The following MME variants were observed in gnomAD, a reference collection of about 807,000 sequenced individuals.
The protein encoded by MME is neprilysin.
MME carries 98 observed loss-of-function variants against 113.2 expected under a neutral mutation model. That is an observed-to-expected ratio of 0.87 (90% CI 0.74 to 1.02). The LOEUF is 1.02. Ranked by LOEUF, MME falls within the 50% of genes least tolerant of loss-of-function variation. The probability of loss-of-function intolerance (pLI) is 0.00; values close to 1 mark genes in which losing one functional copy is unlikely to be tolerated. For missense variants in MME, 836 were observed against 896.0 expected (o/e 0.93, Z 0.86); for synonymous variants, 292 against 300.6 (o/e 0.97, Z 0.30).
At chr3:155,167,172 G>T in intron 18 of MME, 151 bp downstream of exon 18, 1 of 1,068,444 alleles carries the variant, frequency 9.4e-7, no homozygotes, top group Non-Finnish European at 1.4e-6. Context: ...CCTTTAAATT[G>T]TTGCTTAAAG....
At chr3:155,050,277 T>C (rs892394380) in intron 1 of MME, among the ~76,000 whole-genome samples, 18 of 152,202 alleles carry the variant, frequency 1.2e-4, no homozygotes, top group African/African-American at 3.9e-4. Context: ...CTATTATAAA[T>C]AGTTTTGTGA....
At chr3:155,115,328 T>A (rs186548137) in intron 4 of MME, among the ~76,000 whole-genome samples, 173 bp downstream of exon 4, 1 of 152,344 alleles carries the variant, frequency 6.6e-6, no homozygotes, top group East Asian at 1.9e-4. Flanking sequence ...ACACTGAAAT[T>A]AATGTGTTGA....
intron 1 of MME, among the ~76,000 whole-genome samples, chr3:155,032,982 T>C (rs1189660598): frequency 6.6e-6 from 1 of 152,220 alleles, no homozygotes; most frequent in Non-Finnish European, 1.5e-5. Context: ...GGGAAAGGCA[T>C]ATTTAACATT....
chr3:155,042,900 T>TTATATATATATATATA (rs1159626877), intron 1 of MME, among the ~76,000 whole-genome samples: 12 of 62,958 alleles, frequency 1.9e-4, no homozygotes, highest in Non-Finnish European at 3.5e-4. Context: ...ATAGTAGGTT[T>TTATATATATATATATA]TATATATATA....
At chr3:155,070,582 C>A (rs534131715) in intron 1 of MME, among the ~76,000 whole-genome samples, 1 of 151,842 alleles carries the variant, frequency 6.6e-6, no homozygotes, top group South Asian at 2.1e-4. Context: ...AGGATTGGTA[C>A]GGTATAAAGC....
chr3:155,181,609 A>T lies in MME; in HGVS notation c.*1150A>T, dbSNP rs1445167801. On this transcript the variant is annotated 3_prime_UTR_variant, in exon 23 of 23. Coordinates refer to ENST00000360490, the MANE Select transcript of MME (RefSeq NM_007289.4). ...ACTCATTGCTCCCTAAGACTGTGAC[A>T]ACTGTCTAACTTTAGAAGTGCATTT... 1 of 152,158 alleles carries T rather than the reference A, an allele frequency of 6.6e-6. No individual in the cohort carries two copies. Among genetic ancestry groups the T allele is most frequent in the Non-Finnish European group, 1.5e-5 (1 of 68,026 alleles). 9.4% of individuals were successfully genotyped at this position (152,158 alleles called of 1,614,324 possible).
chr3:155,048,460 G>A (rs1198588299), intron 1 of MME, among the ~76,000 whole-genome samples: 1 of 152,178 alleles, frequency 6.6e-6, no homozygotes, highest in Non-Finnish European at 1.5e-5. Context: ...ATGGGTTGTA[G>A]TAGGATTATT....
intron 1 of MME, among the ~76,000 whole-genome samples, chr3:155,067,988 GA>G (rs1714440700): frequency 6.6e-6 from 1 of 152,188 alleles, no homozygotes; most frequent in Non-Finnish European, 1.5e-5. Flanking sequence ...AATTTTCACA[GA>G]AGCTTTATGT....
At position 155,138,256 on chromosome 3, in the gene MME, C is replaced by T; in HGVS notation, c.855+20C>T. The T allele has an allele frequency of 6.2e-7, 1 of 1,607,004 alleles. No homozygotes were observed. The highest frequency in any genetic ancestry group is 1.1e-5 in the South Asian group (1 of 90,892). On this transcript the variant is annotated intron_variant, in intron 9 of 22. Transcript: ENST00000360490. ...GCCAATGTAAAACACATTTTTTTTTCTGATACACTGAATAATGTCAACCGC... is the reference window on the plus strand; with the variant it reads ...GCCAATGTAAAACACATTTTTTTTTTTGATACACTGAATAATGTCAACCGC...
chr3:155,117,908 A>C (rs1438513440), intron 7 of MME, among the ~76,000 whole-genome samples: 1 of 152,110 alleles, frequency 6.6e-6, no homozygotes, highest in Admixed American at 6.6e-5. Context: ...GGCTCTCCAC[A>C]GCTGCTAGGA....
At chr3:155,168,672 T>G (rs199953872) in intron 19 of MME, 47 bp downstream of exon 19, 1 of 1,612,948 alleles carries the variant, frequency 6.2e-7, no homozygotes, top group South Asian at 1.1e-5. Flanking sequence ...TGTTCAATCT[T>G]AAGTGTATTA....
rs1430837240 is a variant in MME, at chr3:155,061,137, G to A, written c.-10-23021G>A. Among the ~76,000 whole-genome samples, 3 of 152,294 alleles carry A rather than the reference G, an allele frequency of 2.0e-5. No homozygotes were observed. In the East Asian group the frequency reaches 5.8e-4, roughly 29 times the overall value. On this transcript the variant is annotated intron_variant, in intron 1 of 22. Transcript: ENST00000492661. ...GTAACACTTTTAAAAATTGTATCAA[G>A]TTAAAAGCAGCTGTATAAATTAAAA...
chr3:155,109,440 G>A (rs1377685249), intron 3 of MME, among the ~76,000 whole-genome samples: 2 of 152,170 alleles, frequency 1.3e-5, no homozygotes, highest in East Asian at 1.9e-4. Context: ...ACACATGTGA[G>A]GTTCCGTGCA....
intron 9 of MME, 80 bp downstream of exon 9, chr3:155,138,316 G>A (rs1720799968): frequency 2.1e-6 from 3 of 1,453,160 alleles, no homozygotes; most frequent in African/African-American, 1.4e-5. Flanking sequence ...TACTTTAAGA[G>A]TAAAAGGTAC....
intron 1 of MME, among the ~76,000 whole-genome samples, chr3:155,031,226 A>T (rs73874451): frequency 6.6e-5 from 10 of 152,170 alleles, no homozygotes; most frequent in Non-Finnish European, 7.3e-5. Context: ...TCAATAAATC[A>T]TAAGTGTCAT....
At chr3:155,131,848 G>A (rs1455071334) in intron 8 of MME, among the ~76,000 whole-genome samples, 2 of 152,290 alleles carry the variant, frequency 1.3e-5, no homozygotes, top group East Asian at 3.9e-4. Context: ...CACACTAGCT[G>A]ACATGCTGCT....
chr3:155,182,610 G>T lies in MME; in HGVS notation c.*2151G>T, dbSNP rs554683871. The T allele has an allele frequency of 3.9e-5, 6 of 152,316 alleles. No homozygotes were observed. Among genetic ancestry groups the T allele is most frequent in the African/African-American group, 1.4e-4 (6 of 41,564 alleles). 9.4% of individuals were successfully genotyped at this position (152,316 alleles called of 1,614,324 possible). A position where few individuals can be genotyped will look rare whatever the true frequency, so the allele number is the denominator to read the frequency against. On this transcript the variant is annotated 3_prime_UTR_variant, in exon 23 of 23. Coordinates refer to ENST00000360490, the MANE Select transcript of MME (RefSeq NM_007289.4). ...AGGAGCTTCCAGCTCTAATAAAACA[G>T]CTGTCTCTAACTTATTTTATTTCCA...
At chr3:155,139,231 T>A (rs1424004255) in intron 9 of MME, among the ~76,000 whole-genome samples, 1 of 152,110 alleles carries the variant, frequency 6.6e-6, no homozygotes, top group African/African-American at 2.4e-5. Context: ...TCCCAGACCA[T>A]GCGCTCCTTT....
chr3:155,158,987 A>C (rs1013839234), intron 16 of MME: 1 of 152,050 alleles, frequency 6.6e-6, no homozygotes, highest in African/African-American at 2.4e-5. Context: ...TTTCTTCCTA[A>C]AGAAAAATTA....
Sources: allele counts gnomAD v4.1 joint callset (sites outside exome capture counted in the v4.1 genomes callset), GRCh38; gene constraint gnomAD v4.1.1; transcripts MANE v1.5; gene names NCBI Gene and HGNC (gene_info 2026-07-23, HGNC 2026-07-21).